Variants in GLRA3 observed in about 807,000 individuals in gnomAD.
The protein encoded by GLRA3 is glycine receptor alpha 3, also known as glycine receptor subunit alpha-3.
In GLRA3, 44 loss-of-function variants were observed where a neutral mutation model predicts 60.4. The ratio of observed to expected loss-of-function variants is 0.73; its 90% CI spans 0.57 to 0.94. GLRA3 has a LOEUF of 0.94. Ranked by LOEUF, GLRA3 falls within the 40% of genes least tolerant of loss-of-function variation. GLRA3 has a pLI of 0.00. For synonymous variants in GLRA3, 223 were observed against 192.9 expected (o/e 1.16, Z -1.29); for missense variants, 508 against 564.6 (o/e 0.90, Z 1.02).
chr4:174,764,512 C>T (rs986123710), intron 3 of GLRA3, among the ~76,000 whole-genome samples: 1 of 149,398 alleles, frequency 6.7e-6, no homozygotes, highest in Admixed American at 6.7e-5. Flanking sequence ...TTCAATTATT[C>T]GTATTATAAG....
rs960462246 is a variant in GLRA3 at position 174,640,333 on chromosome 4, C to T, written c.*3453G>A. The T allele has an allele frequency of 2.6e-5, 4 of 152,008 alleles. No individual in the cohort carries two copies. Among genetic ancestry groups the T allele is most frequent in the African/African-American group, 7.2e-5 (3 of 41,426 alleles). The allele number at this position is 152,008 out of a possible 1,614,324, so 9.4% of individuals were successfully genotyped here. On this transcript the variant is annotated 3_prime_UTR_variant, in exon 10 of 10. Coordinates refer to ENST00000274093, the MANE Select transcript of GLRA3 (RefSeq NM_006529.4). ...TTTACAAAATACTGCAAGTATTTTCCATTTCAATTTTGGCAAGTCTCTTGT... is the reference window on the plus strand; with the variant it reads ...TTTACAAAATACTGCAAGTATTTTCTATTTCAATTTTGGCAAGTCTCTTGT...
intron 5 of GLRA3, among the ~76,000 whole-genome samples, chr4:174,690,422 C>T (rs1734750265): frequency 6.6e-6 from 1 of 152,088 alleles, no homozygotes; most frequent in Admixed American, 6.5e-5. Flanking sequence ...AAACAGAGTC[C>T]AAAATCAGAC....
intron 9 of GLRA3, among the ~76,000 whole-genome samples, chr4:174,656,247 A>G (rs1407157363): frequency 6.6e-6 from 1 of 152,108 alleles, no homozygotes; most frequent in Non-Finnish European, 1.5e-5. Context: ...TTCACTTGCT[A>G]TAAGTAACCT....
chr4:174,785,112 T>A (rs1374668678), intron 2 of GLRA3, among the ~76,000 whole-genome samples: 1 of 152,144 alleles, frequency 6.6e-6, no homozygotes, highest in Non-Finnish European at 1.5e-5. Context: ...TGTGGTACAT[T>A]TTAATAACAT....
chr4:174,761,454 G>C (rs1044746886), intron 3 of GLRA3, among the ~76,000 whole-genome samples: 1 of 152,052 alleles, frequency 6.6e-6, no homozygotes, highest in Non-Finnish European at 1.5e-5. Context: ...TCCTTCCAAT[G>C]TGCCATGCAT....
chr4:174,692,812 C>G (rs186146002), intron 5 of GLRA3, among the ~76,000 whole-genome samples: 2 of 151,948 alleles, frequency 1.3e-5, no homozygotes, highest in Non-Finnish European at 2.9e-5. Flanking sequence ...CAGAAGGCCG[C>G]GGGGTCCTCT....
intron 1 of GLRA3, among the ~76,000 whole-genome samples, chr4:174,789,717 T>G (rs1326883700): frequency 6.6e-6 from 1 of 152,174 alleles, no homozygotes; most frequent in African/African-American, 2.4e-5. Context: ...TTCACTTACA[T>G]AGCCTTCTCC....
chr4:174,761,648 G>T (rs1434929546), intron 3 of GLRA3, among the ~76,000 whole-genome samples: 1 of 152,168 alleles, frequency 6.6e-6, no homozygotes, highest in Admixed American at 6.6e-5. Context: ...ACAAGATGGA[G>T]AGTCATCTGT....
At chr4:174,826,407 G>GTAGT (rs775883736) in intron 1 of GLRA3, among the ~76,000 whole-genome samples, 2 of 152,160 alleles carry the variant, frequency 1.3e-5, no homozygotes, top group Non-Finnish European at 2.9e-5. Context: ...TTTGGCCAAG[G>GTAGT]TAGTGCCTTG....
rs1740138144 is a variant in GLRA3, at chr4:174,808,525, A to G, written c.72-19582T>C. 2.0e-5 allele frequency among the ~76,000 whole-genome samples: 3 copies of G among 152,176 alleles called. No homozygotes were observed. The South Asian group carries it at 6.2e-4, about 32-fold the overall frequency. On this transcript the variant is annotated intron_variant, in intron 1 of 9. Coordinates refer to ENST00000274093, the MANE Select transcript of GLRA3 (RefSeq NM_006529.4). ...TACTGGTTTATATATTTACCCTACT[A>G]TACTTTTAATCTTTATTTTAGACTG... is the stretch of plus-strand genomic sequence containing the variant.
chr4:174,677,320 A>G (rs1285810776), intron 6 of GLRA3, 28 bp from the exon 7 acceptor site: 4 of 1,248,770 alleles, frequency 3.2e-6, no homozygotes, highest in Non-Finnish European at 3.5e-6. Context: ...AAATACAGCA[A>G]TTAGTACAAA....
At chr4:174,785,726 C>A (rs954497370) in intron 2 of GLRA3, among the ~76,000 whole-genome samples, 2 of 152,062 alleles carry the variant, frequency 1.3e-5, no homozygotes, top group Non-Finnish European at 2.9e-5. Context: ...AGGATCAAAT[C>A]ATTTAGGTTA....
chr4:174,696,880 GCAAA>G (rs918643440), intron 5 of GLRA3, among the ~76,000 whole-genome samples: 6 of 151,984 alleles, frequency 3.9e-5, no homozygotes, highest in Non-Finnish European at 7.4e-5. Context: ...TGGTAATGAG[GCAAA>G]CAAAGTAGCT....
intron 7 of GLRA3, among the ~76,000 whole-genome samples, chr4:174,662,721 G>A (rs919678349): frequency 1.3e-5 from 2 of 151,900 alleles, no homozygotes; most frequent in Non-Finnish European, 2.9e-5. Flanking sequence ...AGGTTCTTCA[G>A]GTCTCAGGCT....
At chr4:174,709,515 G>C (rs967245903) in intron 5 of GLRA3, among the ~76,000 whole-genome samples, 1 of 151,986 alleles carries the variant, frequency 6.6e-6, no homozygotes, top group Non-Finnish European at 1.5e-5. Context: ...GTATTAAAAA[G>C]AGAGAAAATA....
rs1284099391 is a variant in GLRA3, at chr4:174,637,445, T to A, written c.*6341A>T. 2.6e-5 allele frequency: 4 copies of A among 152,132 alleles called. No individual in the cohort carries two copies. Among genetic ancestry groups the A allele is most frequent in the African/African-American group, 9.7e-5 (4 of 41,448 alleles). 9.4% of individuals were successfully genotyped at this position (152,132 alleles called of 1,614,324 possible). ...AATTTAAGTAATGACCATTGAATAA[T>A]TCATAGAGAAAAAAGTGAAGAAGTG... is the stretch of plus-strand genomic sequence containing the variant. On this transcript the variant is annotated 3_prime_UTR_variant, in exon 10 of 10. Coordinates refer to ENST00000274093, the MANE Select transcript of GLRA3 (RefSeq NM_006529.4).
At chr4:174,807,190 T>C (rs1456618029) in intron 1 of GLRA3, among the ~76,000 whole-genome samples, 3 of 152,028 alleles carry the variant, frequency 2.0e-5, no homozygotes, top group Non-Finnish European at 4.4e-5. Context: ...ATAATCAATC[T>C]ACTGGAAAAT....
At chr4:174,778,714 C>CGGACA (rs748107565) in intron 2 of GLRA3, among the ~76,000 whole-genome samples, 2 of 151,966 alleles carry the variant, frequency 1.3e-5, no homozygotes, top group Non-Finnish European at 2.9e-5. Flanking sequence ...AAAGGGGTGA[C>CGGACA]GCACCTGGAA....
intron 1 of GLRA3, among the ~76,000 whole-genome samples, chr4:174,821,132 T>A (rs1304180794): frequency 6.6e-6 from 1 of 152,178 alleles, no homozygotes; most frequent in African/African-American, 2.4e-5. Context: ...ACAAATGACA[T>A]AGAAATGAAA....
Sources: gnomAD v4.1 joint callset for allele counts (sites outside exome capture counted in the v4.1 genomes callset) on GRCh38, gnomAD v4.1.1 for gene constraint, MANE v1.5 for transcripts, NCBI Gene and HGNC (gene_info 2026-07-23, HGNC 2026-07-21) for gene names.